Variants in JPH3 observed in about 807,000 individuals in gnomAD.
JPH3 encodes the protein junctophilin-3.
JPH3 carries 11 observed loss-of-function variants against 59.6 expected under a neutral mutation model. The observed-to-expected ratio is 0.18, with a 90% CI of 0.12 to 0.31. The LOEUF is 0.31. Among genes scored for constraint, JPH3 ranks in the 10% least tolerant of loss-of-function variants. The pLI is 1.00. For synonymous variants in JPH3, 673 were observed against 483.6 expected (o/e 1.39, Z -5.14); for missense variants, 1,202 against 1,105.7 (o/e 1.09, Z -1.24).
chr16:87,661,061 T>A lies in JPH3; in HGVS notation c.1160+16026T>A, dbSNP rs538024832. Among the ~76,000 whole-genome samples, 5 of 152,314 alleles carry A rather than the reference T, an allele frequency of 3.3e-5. No individual in the cohort carries two copies. The South Asian group carries it at 1.0e-3, about 32-fold the overall frequency. On this transcript the variant is annotated intron_variant, in intron 2 of 4. Transcript: ENST00000284262. ...TGGGACCCAAGTCTAAACACGAAAT[T>A]TATAATACATAAGTTTCTGGAGGCT...
intron 2 of JPH3, among the ~76,000 whole-genome samples, chr16:87,666,798 T>C (rs958917356): frequency 3.9e-5 from 6 of 152,190 alleles, no homozygotes; most frequent in African/African-American, 1.4e-4. Flanking sequence ...CCTTGTGAGG[T>C]GAGCAGTATT....
intron 2 of JPH3, among the ~76,000 whole-genome samples, chr16:87,671,905 C>T (rs1032683071): frequency 5.3e-5 from 8 of 152,242 alleles, no homozygotes; most frequent in African/African-American, 1.9e-4. Context: ...GGAGATTGTT[C>T]ATGCAGCAGC....
chr16:87,673,858 A>G (rs1241235604), intron 2 of JPH3, among the ~76,000 whole-genome samples: 1 of 152,014 alleles, frequency 6.6e-6, no homozygotes, highest in Non-Finnish European at 1.5e-5. Flanking sequence ...CCTGGGAGGC[A>G]GAGGTTGCAG....
intron 1 of JPH3, among the ~76,000 whole-genome samples, chr16:87,636,297 G>A (rs564937025): frequency 5.9e-5 from 9 of 152,218 alleles, no homozygotes; most frequent in African/African-American, 1.2e-4. Flanking sequence ...CCTCAGCCGC[G>A]GTTGGCCGCC....
chr16:87,656,889 C>A (rs928975103), intron 2 of JPH3, among the ~76,000 whole-genome samples: 11 of 152,196 alleles, frequency 7.2e-5, no homozygotes, highest in Admixed American at 4.6e-4. Context: ...CAGGGGATCA[C>A]TCCTCGGGCT....
intron 1 of JPH3, among the ~76,000 whole-genome samples, chr16:87,606,538 C>T (rs116550281): frequency 1.3e-3 from 195 of 152,294 alleles, no homozygotes; most frequent in African/African-American, 4.6e-3. Flanking sequence ...CAGCTTGCAT[C>T]CTGGGCTTGA....
intron 2 of JPH3, among the ~76,000 whole-genome samples, chr16:87,683,587 A>G (rs1269766448): frequency 6.6e-6 from 1 of 151,030 alleles, no homozygotes; most frequent in Non-Finnish European, 1.5e-5. Flanking sequence ...TACAGGCGTG[A>G]GCCACTGTGC....
At chr16:87,637,422 T>TGTTTGTGTGTG (rs2031791331) in intron 1 of JPH3, among the ~76,000 whole-genome samples, 1 of 147,502 alleles carries the variant, frequency 6.8e-6, no homozygotes, top group African/African-American at 2.5e-5. Context: ...GTGTGTGTGT[T>TGTTTGTGTGTG]TGTGTGTGTG....
intron 2 of JPH3, among the ~76,000 whole-genome samples, chr16:87,672,087 G>C (rs1477962020): frequency 6.6e-6 from 1 of 152,116 alleles, no homozygotes; most frequent in Non-Finnish European, 1.5e-5. Flanking sequence ...CTCCTCGCCG[G>C]GCGGGGTTCA....
At chr16:87,604,352 A>C (rs115916470) in intron 1 of JPH3, 7 of 1,444,320 alleles carry the variant, frequency 4.8e-6, no homozygotes, top group Non-Finnish European at 6.4e-6. Context: ...TGTGCAGGGA[A>C]CCTTGGCCGG....
chr16:87,668,303 G>C (rs1298527010), intron 2 of JPH3, among the ~76,000 whole-genome samples: 3 of 152,136 alleles, frequency 2.0e-5, no homozygotes, highest in African/African-American at 7.2e-5. Flanking sequence ...GTCCATGTTT[G>C]GGGGTTACAT....
chr16:87,645,408 C>G (rs2032113718), intron 2 of JPH3, among the ~76,000 whole-genome samples: 1 of 152,208 alleles, frequency 6.6e-6, no homozygotes, highest in African/African-American at 2.4e-5. Flanking sequence ...AGGGGTGACA[C>G]CACCAGGTGG....
intron 1 of JPH3, among the ~76,000 whole-genome samples, chr16:87,615,781 G>A (rs762024339): frequency 1.3e-5 from 2 of 152,180 alleles, no homozygotes; most frequent in South Asian, 2.1e-4. Context: ...AGCTCCAGTC[G>A]CCTTCCCTCC....
chr16:87,635,385 A>T (rs980161076), intron 1 of JPH3, among the ~76,000 whole-genome samples: 10 of 152,192 alleles, frequency 6.6e-5, no homozygotes, highest in African/African-American at 2.2e-4. Context: ...GAAAAGAAAC[A>T]AGGGTGTGAG....
chr16:87,690,370 C>T lies in JPH3; in HGVS notation c.2010C>T (p.Ser670=), dbSNP rs532186217. 2.9e-5 allele frequency: 45 copies of T among 1,537,812 alleles called. No individual in the cohort carries two copies. Among genetic ancestry groups the T allele is most frequent in the South Asian group, 2.4e-4 (19 of 79,540 alleles). The change falls in exon 4 of 5, where the codon TCC becomes TCT. Residue 670 remains serine, a synonymous_variant. Coordinates refer to ENST00000284262, the MANE Select transcript of JPH3 (RefSeq NM_020655.4). The part of the protein sequence containing the change: ...QNKENFRPAS[S]AEPAVQKLAS... ...AGGAGAACTTCAGGCCGGCCTCCTC[C>T]GCGGAGCCCGCCGTGCAGAAACTGG... is the stretch of plus-strand genomic sequence containing the variant.
At chr16:87,642,150 A>G (rs992489383) in intron 1 of JPH3, among the ~76,000 whole-genome samples, 1 of 150,606 alleles carries the variant, frequency 6.6e-6, no homozygotes, top group Non-Finnish European at 1.5e-5. Flanking sequence ...GGGGACGGAC[A>G]GGTCACTTGA....
intron 2 of JPH3, among the ~76,000 whole-genome samples, chr16:87,659,391 A>AAAAAAAAAAAAAAAAAAC (rs1567603525): frequency 6.8e-6 from 1 of 146,200 alleles, no homozygotes; most frequent in African/African-American, 2.6e-5. Context: ...AAAAAAGAAA[A>AAAAAAAAAAAAAAAAAAC]AAAAAAAGAA....
chr16:87,653,148 C>G (rs2032380455), intron 2 of JPH3, among the ~76,000 whole-genome samples: 1 of 152,210 alleles, frequency 6.6e-6, no homozygotes, highest in Non-Finnish European at 1.5e-5. Context: ...CCAGGCTGGG[C>G]TCAGGGATCC....
intron 3 of JPH3, among the ~76,000 whole-genome samples, chr16:87,686,592 G>A (rs1449002667): frequency 6.6e-6 from 1 of 150,826 alleles, no homozygotes; most frequent in African/African-American, 2.4e-5. Flanking sequence ...ATGCTTCCTG[G>A]AGGGCTCAGT....
Sources: allele counts gnomAD v4.1 joint callset (sites outside exome capture counted in the v4.1 genomes callset), GRCh38; gene constraint gnomAD v4.1.1; transcripts MANE v1.5; gene names NCBI Gene and HGNC (gene_info 2026-07-23, HGNC 2026-07-21).